The following EXT2 variants were observed in gnomAD, a reference collection of about 807,000 sequenced individuals.
EXT2 encodes exostosin-2.
EXT2 carries 53 observed loss-of-function variants against 81.6 expected under a neutral mutation model. That is an observed-to-expected ratio of 0.65 (90% CI 0.52 to 0.82). EXT2 has a LOEUF of 0.82. EXT2 is among the 40% of genes least tolerant of loss of function. The pLI is 0.00. For synonymous variants in EXT2, 320 were observed against 340.0 expected (o/e 0.94, Z 0.65); for missense variants, 774 against 910.2 (o/e 0.85, Z 1.93).
chr11:44,241,825 C>A (rs977059045), intron 13 of EXT2, among the ~76,000 whole-genome samples: 28 of 152,254 alleles, frequency 1.8e-4, no homozygotes, highest in Admixed American at 1.2e-3. Flanking sequence ...CTCCCCTAAC[C>A]TGCTCTCCAA....
chr11:44,146,778 T>G (rs1392269962), intron 7 of EXT2, among the ~76,000 whole-genome samples: 1 of 152,246 alleles, frequency 6.6e-6, no homozygotes, highest in Non-Finnish European at 1.5e-5. Context: ...ACTTTTTTCT[T>G]CATTGAAATT....
At chr11:44,169,332 A>C (rs1207641641) in intron 7 of EXT2, among the ~76,000 whole-genome samples, 1 of 152,114 alleles carries the variant, frequency 6.6e-6, no homozygotes, top group East Asian at 1.9e-4. Context: ...CAGATAGGAG[A>C]GAGCTGATAA....
At chr11:44,187,431 C>T (rs145883474) in intron 8 of EXT2, among the ~76,000 whole-genome samples, 17 of 152,012 alleles carry the variant, frequency 1.1e-4, no homozygotes, top group African/African-American at 3.1e-4. Flanking sequence ...CTCCTGGCCT[C>T]GAGCAATCCT....
At chr11:44,218,941 G>A (rs571902353) in intron 10 of EXT2, among the ~76,000 whole-genome samples, 11 of 151,730 alleles carry the variant, frequency 7.2e-5, no homozygotes, top group Admixed American at 5.9e-4. Context: ...GGGATTACAG[G>A]AACCTGCCAC....
intron 1 of EXT2, 136 bp downstream of exon 1, chr11:44,095,988 C>T (rs2134930946): frequency 2.0e-6 from 1 of 501,816 alleles, no homozygotes; most frequent in Non-Finnish European, 3.7e-6. Context: ...CCGTGGGCTG[C>T]GAGAGGCCAC....
At chr11:44,132,318 T>C (rs1373018926) in intron 7 of EXT2, among the ~76,000 whole-genome samples, 1 of 152,208 alleles carries the variant, frequency 6.6e-6, no homozygotes, top group Non-Finnish European at 1.5e-5. Context: ...GAGATAAGCT[T>C]GGTCATTTTC....
intron 8 of EXT2, among the ~76,000 whole-genome samples, chr11:44,172,937 T>C (rs137983066): frequency 1.4e-3 from 219 of 152,346 alleles, no homozygotes; most frequent in African/African-American, 5.1e-3. Flanking sequence ...TATAGGACCA[T>C]CCTTTTCTCT....
At chr11:44,109,928 TTTC>T (rs1954119078) in intron 3 of EXT2, among the ~76,000 whole-genome samples, 1 of 152,208 alleles carries the variant, frequency 6.6e-6, no homozygotes, top group South Asian at 2.1e-4. Flanking sequence ...TGGTATGAGC[TTTC>T]TTGGAAAGCT....
chr11:44,099,862 T>A (rs1953957194), intron 1 of EXT2, among the ~76,000 whole-genome samples: 1 of 152,222 alleles, frequency 6.6e-6, no homozygotes, highest in South Asian at 2.1e-4. Flanking sequence ...TTCTCATTCT[T>A]TCCCTCTCAT....
At chr11:44,112,563 G>C (rs1446087010) in intron 3 of EXT2, among the ~76,000 whole-genome samples, 1 of 152,178 alleles carries the variant, frequency 6.6e-6, no homozygotes, top group Admixed American at 6.5e-5. Context: ...TGGAGACCTT[G>C]GCAGAAGAAG....
At chr11:44,100,908 G>T (rs1953972266) in intron 1 of EXT2, among the ~76,000 whole-genome samples, 1 of 152,094 alleles carries the variant, frequency 6.6e-6, no homozygotes, top group Non-Finnish European at 1.5e-5. Context: ...CTGATGCAGA[G>T]GACAGCAGTT....
chr11:44,164,919 C>T (rs1954973123), intron 7 of EXT2, among the ~76,000 whole-genome samples: 2 of 149,342 alleles, frequency 1.3e-5, no homozygotes, highest in Non-Finnish European at 3.0e-5. Context: ...CGCTCTGTCG[C>T]CCAGGCTGGA....
Position 44,244,490 on chromosome 11 carries a change from C to A in EXT2, c.*203C>A. ...CACCTCGAGCTATGCAACCTCTGTT[C>A]TTGTATTTCTTATGATCTCTGATGG... On this transcript the variant is annotated 3_prime_UTR_variant, in exon 14 of 14. Transcript: ENST00000533608. The A allele has an allele frequency of 1.7e-6, 1 of 583,204 alleles. No homozygotes were observed. The highest frequency in any genetic ancestry group is 3.1e-6 in the Non-Finnish European group (1 of 326,522). 36.1% of individuals were successfully genotyped at this position (583,204 alleles called of 1,614,324 possible). A position where few individuals can be genotyped will look rare whatever the true frequency, so the allele number is the denominator to read the frequency against.
At chr11:44,105,335 C>T (rs1434488350) in intron 1 of EXT2, among the ~76,000 whole-genome samples, 1 of 152,122 alleles carries the variant, frequency 6.6e-6, no homozygotes, top group Admixed American at 6.5e-5. Context: ...CTCTATTGCC[C>T]AGGCTGGAGT....
chr11:44,138,455 T>G (rs572012506), intron 7 of EXT2, among the ~76,000 whole-genome samples: 1 of 150,932 alleles, frequency 6.6e-6, no homozygotes, highest in African/African-American at 2.4e-5. Flanking sequence ...TGATGATTTG[T>G]TTTTTTTTCA....
intron 7 of EXT2, among the ~76,000 whole-genome samples, chr11:44,143,946 T>A (rs1246588142): frequency 6.6e-6 from 1 of 152,164 alleles, no homozygotes; most frequent in Non-Finnish European, 1.5e-5. Flanking sequence ...GATAGCAGCA[T>A]TGGGGATAAA....
chr11:44,193,341 A>G (rs775272370), intron 8 of EXT2, among the ~76,000 whole-genome samples: 11 of 152,234 alleles, frequency 7.2e-5, no homozygotes, highest in Non-Finnish European at 1.6e-4. Context: ...GCCTGGAGAA[A>G]TTATAACTCA....
intron 3 of EXT2, among the ~76,000 whole-genome samples, chr11:44,111,736 G>A (rs927802013): frequency 7.2e-5 from 11 of 152,084 alleles, no homozygotes; most frequent in East Asian, 1.9e-4. Flanking sequence ...CTTGAGGCCC[G>A]TCTTGTTTCA....
Position 44,119,175 on chromosome 11 carries a change from T to C in EXT2, c.743+4874T>C, listed in dbSNP as rs71452723. 1.1e-3 allele frequency among the ~76,000 whole-genome samples: 120 copies of C among 105,700 alleles called. 1 individual carries two copies. Among genetic ancestry groups the C allele is most frequent in the Middle Eastern group, 4.5e-3 (1 of 224 alleles). The allele number at this position is 105,700 out of a possible 152,430, so 69.3% of individuals were successfully genotyped here. ...ATATATATATATATATATATACACA[T>C]ACACACACACACACACACATTTTTG... On this transcript the variant is annotated intron_variant, in intron 4 of 13. Coordinates refer to ENST00000533608, the MANE Select transcript of EXT2 (RefSeq NM_207122.2).
Sources: allele counts gnomAD v4.1 joint callset (sites outside exome capture counted in the v4.1 genomes callset), GRCh38; gene constraint gnomAD v4.1.1; transcripts MANE v1.5; gene names NCBI Gene and HGNC (gene_info 2026-07-23, HGNC 2026-07-21).